Variants in LARS1 observed in about 807,000 individuals in gnomAD.
The protein encoded by LARS1 is leucyl-tRNA synthetase 1, also known as leucine--tRNA ligase, cytoplasmic.
Under a neutral mutation model 162.8 loss-of-function variants are expected in LARS1, and 100 were observed. That is an observed-to-expected ratio of 0.61 (90% CI 0.52 to 0.73). The LOEUF is 0.73. Among genes scored for constraint, LARS1 ranks in the 30% least tolerant of loss-of-function variants. The probability of loss-of-function intolerance (pLI) is 0.00; values close to 1 mark genes in which losing one functional copy is unlikely to be tolerated. For missense variants in LARS1, 1,258 were observed against 1,408.9 expected (o/e 0.89, Z 1.71); for synonymous variants, 457 against 462.8 (o/e 0.99, Z 0.16).
At position 146,141,924 on chromosome 5, in the gene LARS1, G is replaced by C. The variant is rs57491176; in HGVS notation, c.2090+948C>G. Among the ~76,000 whole-genome samples the C allele has an allele frequency of 4.3e-4, 66 of 152,268 alleles. 1 individual carries two copies. The highest frequency in any genetic ancestry group is 1.6e-3 in the African/African-American group (65 of 41,560). On this transcript the variant is annotated intron_variant, in intron 20 of 31. Transcript: ENST00000394434. ...GCCTGTAATCTCAGCACTTTGGGAG[G>C]CCAAGGCGGGTGGATCACCTGAGGT...
intron 18 of LARS1, 65 bp from the exon 19 acceptor site, chr5:146,143,615 TAAG>T (rs1201139503): frequency 1.5e-4 from 225 of 1,455,142 alleles, no homozygotes; most frequent in Non-Finnish European, 2.0e-4. Context: ...TCCACATTTT[TAAG>T]AAGGGGGCTA....
chr5:146,148,287 C>T (rs1439593291), intron 15 of LARS1, among the ~76,000 whole-genome samples: 2 of 152,150 alleles, frequency 1.3e-5, no homozygotes, highest in South Asian at 4.1e-4. Context: ...AAGATTTGTG[C>T]ATCAGGACAG....
At chr5:146,126,581 A>G (rs996850039) in intron 27 of LARS1, 36 bp from the exon 28 acceptor site, 49 of 1,461,482 alleles carry the variant, frequency 3.4e-5, no homozygotes, top group Non-Finnish European at 4.6e-5. Flanking sequence ...ATGTAGAAAA[A>G]AAAGTCTCAA....
At chr5:146,159,881 A>C (rs1440980983) in intron 7 of LARS1, among the ~76,000 whole-genome samples, 1 of 152,158 alleles carries the variant, frequency 6.6e-6, no homozygotes, top group Non-Finnish European at 1.5e-5. Flanking sequence ...AAAGTATAAA[A>C]TAAAACACAA....
rs924951456 is a variant in LARS1 at position 146,177,651 on chromosome 5, T to C, written c.21A>G (p.Thr7=). ...TCTTCTTCAAAAAGTCCACTTTGGC[T>C]GTTCCTTTTCTTTCCTATTGGACAC... MAERKG[T]AKVDFLKKIE... is the part of the protein sequence containing the mutation. The change falls in exon 2 of 32, where the codon ACA becomes ACG. Residue 7 remains threonine, a synonymous_variant. Transcript: ENST00000394434. 1 of 1,590,510 alleles carries C rather than the reference T, an allele frequency of 6.3e-7. No individual in the cohort carries two copies. The highest frequency in any genetic ancestry group is 1.3e-5 in the African/African-American group (1 of 74,330).
intron 20 of LARS1, among the ~76,000 whole-genome samples, chr5:146,142,213 T>C (rs113981831): frequency 2.5e-4 from 38 of 151,824 alleles, no homozygotes; most frequent in Non-Finnish European, 3.7e-4. Context: ...GCTTGAACCT[T>C]AGAGGCAGAG....
chr5:146,155,533 AC>A (rs1381773688), intron 10 of LARS1, among the ~76,000 whole-genome samples: 1 of 152,224 alleles, frequency 6.6e-6, no homozygotes, highest in East Asian at 1.9e-4. Context: ...GCAATTTTAG[AC>A]CCAAATTCTC....
chr5:146,166,936 T>G (rs889571760), intron 5 of LARS1, among the ~76,000 whole-genome samples: 2 of 152,112 alleles, frequency 1.3e-5, no homozygotes, highest in African/African-American at 4.8e-5. Context: ...TCACCAATAA[T>G]AAGACATATC....
intron 28 of LARS1, 45 bp from the exon 29 acceptor site, chr5:146,124,131 A>T: frequency 8.9e-7 from 1 of 1,125,418 alleles, no homozygotes; most frequent in Non-Finnish European, 1.3e-6. Flanking sequence ...CAGTAAGAAT[A>T]TGTTGGAAAA....
chr5:146,153,178 T>A lies in LARS1; in HGVS notation c.1280A>T (p.Glu427Val). The change falls in exon 13 of 32, where the codon GAG becomes GTG. Residue 427 changes from glutamate to valine, a missense_variant. Glu to Val is a moderately radical substitution (Grantham distance 121). Transcript: ENST00000394434. ...GIRDDMVLPF[E>V]PVPVIEIPGF... ...CTGAATTATCTATGTACTCACCGGC[T>A]CAAATGGCAAGACCATGTCATCTCT... 1.2e-6 allele frequency: 2 copies of A among 1,612,516 alleles called. No individual in the cohort carries two copies. The highest frequency in any genetic ancestry group is 1.7e-6 in the Non-Finnish European group (2 of 1,178,860).
intron 22 of LARS1, 78 bp downstream of exon 22, chr5:146,135,523 A>C (rs2126445557): frequency 1.8e-6 from 2 of 1,089,872 alleles, no homozygotes; most frequent in East Asian, 5.2e-5. Context: ...AGTAAAATTA[A>C]AACACCAATT....
In LARS1 at chr5:146,125,002, T is replaced by TACAC. The variant is rs141205004; in HGVS notation, c.2992-920_2992-917dup. Among the ~76,000 whole-genome samples the TACAC allele has an allele frequency of 2.7e-3, 412 of 150,864 alleles. 5 individuals carry two copies. Among genetic ancestry groups the TACAC allele is most frequent in the East Asian group, 5.6e-3 (29 of 5,140 alleles). ...AACTCTTGAATCTAATATCATTTTA[T>TACAC]ACACACACACACACGCACACACACA... On this transcript the variant is annotated intron_variant, in intron 28 of 31. Coordinates refer to ENST00000394434, the MANE Select transcript of LARS1 (RefSeq NM_020117.11).
chr5:146,152,959 A>G (rs1447991580), intron 13 of LARS1, among the ~76,000 whole-genome samples: 2 of 152,242 alleles, frequency 1.3e-5, no homozygotes, highest in Non-Finnish European at 2.9e-5. Context: ...TATTTGTTCC[A>G]GAACTGCAGG....
chr5:146,135,539 G>T, intron 22 of LARS1, 62 bp downstream of exon 22: 1 of 1,195,596 alleles, frequency 8.4e-7, no homozygotes, highest in Non-Finnish European at 1.2e-6. Flanking sequence ...CAATTTTAAC[G>T]TGTCTTCTAT....
intron 1 of LARS1, among the ~76,000 whole-genome samples, chr5:146,180,216 T>C (rs1000156708): frequency 2.6e-5 from 4 of 152,094 alleles, no homozygotes; most frequent in Admixed American, 2.0e-4. Flanking sequence ...GCCTGGTTGA[T>C]AGAGTGAGTC....
chr5:146,179,774 G>T, intron 1 of LARS1: 1 of 293,954 alleles, frequency 3.4e-6, no homozygotes, highest in South Asian at 2.5e-5. Context: ...GATAGTTTTT[G>T]TATTTTTTTG....
Position 146,160,505 on chromosome 5 carries a change from A to T in LARS1, c.595-19T>A. On this transcript the variant is annotated intron_variant, in intron 6 of 31. Transcript: ENST00000394434. ...AGTCTACCTATAAAAGGAAAATTTTAAAAGGCAATTACTGAGAAATACACA... is the reference window on the plus strand; with the variant it reads ...AGTCTACCTATAAAAGGAAAATTTTTAAAGGCAATTACTGAGAAATACACA... 7.3e-7 allele frequency: 1 copy of T among 1,365,274 alleles called. No homozygotes were observed. Among genetic ancestry groups the T allele is most frequent in the Non-Finnish European group, 9.9e-7 (1 of 1,006,544 alleles). 84.6% of individuals were successfully genotyped at this position (1,365,274 alleles called of 1,614,324 possible). A position where few individuals can be genotyped will look rare whatever the true frequency, so the allele number is the denominator to read the frequency against.
chr5:146,157,818 A>T (rs1331877013), intron 8 of LARS1, 23 bp from the exon 9 acceptor site: 1 of 1,610,316 alleles, frequency 6.2e-7, no homozygotes, highest in Non-Finnish European at 8.5e-7. Context: ...ACGATACAAA[A>T]ATTTGAAGGA....
chr5:146,159,386 C>T (rs1005596936), intron 8 of LARS1, 21 bp downstream of exon 8: 16 of 1,577,904 alleles, frequency 1.0e-5, no homozygotes, highest in Non-Finnish European at 1.3e-5. Flanking sequence ...ATAATAGCTA[C>T]TCTGTCTCAC....
Sources: allele counts gnomAD v4.1 joint callset (sites outside exome capture counted in the v4.1 genomes callset), GRCh38; gene constraint gnomAD v4.1.1; transcripts MANE v1.5; gene names NCBI Gene and HGNC (gene_info 2026-07-23, HGNC 2026-07-21).